Variants in NME1 observed in about 807,000 individuals in gnomAD.
NME1 encodes NME/NM23 nucleoside diphosphate kinase 1.
NME1 carries 9 observed loss-of-function variants against 17.2 expected under a neutral mutation model. That is an observed-to-expected ratio of 0.52 (90% CI 0.32 to 0.92). The LOEUF (loss-of-function observed/expected upper bound fraction) is 0.92. Ranked by LOEUF, NME1 falls within the 40% of genes least tolerant of loss-of-function variation. The pLI is 0.04. For synonymous variants in NME1, 72 were observed against 70.8 expected (o/e 1.02, Z -0.09); for missense variants, 169 against 201.7 (o/e 0.84, Z 0.98).
chr17:51,154,029 G>T, intron 1 of NME1: 1 of 324,696 alleles, frequency 3.1e-6, no homozygotes, highest in Middle Eastern at 1.1e-3. Context: ...TTGTGTCACC[G>T]GGACCGATGT....
intron 2 of NME1, among the ~76,000 whole-genome samples, chr17:51,156,892 C>CAAAAA (rs71355724): frequency 1.2e-5 from 1 of 86,918 alleles, no homozygotes; most frequent in Non-Finnish European, 2.2e-5. Context: ...ACTCCATCTC[C>CAAAAA]AAAAAAAAAA....
At chr17:51,160,240 G>A in intron 3 of NME1, 159 bp downstream of exon 3, 2 of 800,864 alleles carry the variant, frequency 2.5e-6, no homozygotes. Context: ...AATGAAATAT[G>A]CCCAGAAATG....
rs917952833 is a variant in NME1 at position 51,155,780 on chromosome 17, A to G, written c.126A>G (p.Gln42=). 1 of 1,613,468 alleles carries G rather than the reference A, an allele frequency of 6.2e-7. No homozygotes were observed. Among genetic ancestry groups the G allele is most frequent in the Admixed American group, 1.7e-5 (1 of 59,984 alleles). ...GCCTTGTTGGTCTGAAATTCATGCA[A>G]GTAAGTGGACTTCATTGTTCCCATT... is the stretch of plus-strand genomic sequence containing the variant. ...GFRLVGLKFM[Q]ASEDLLKEHY... Residue 42 remains glutamine (Q), a splice_region_variant and synonymous_variant, in exon 2 of 5, where the codon CAA becomes CAG. Transcript: ENST00000393196.
rs908616371 is a variant in NME1, at chr17:51,162,106, T to C, written c.*261T>C. On this transcript the variant is annotated 3_prime_UTR_variant, in exon 5 of 5. Coordinates refer to ENST00000393196, the MANE Select transcript of NME1 (RefSeq NM_000269.3). ...TTTCCTTCTTTTCATGTACACTGAA[T>C]AACCTGACCTAATAGAGAGTGTAAA... 1.9e-5 allele frequency: 8 copies of C among 428,134 alleles called. No individual in the cohort carries two copies. The highest frequency in any genetic ancestry group is 3.6e-5 in the Admixed American group (1 of 27,812). 26.5% of individuals were successfully genotyped at this position (428,134 alleles called of 1,614,324 possible).
intron 2 of NME1, among the ~76,000 whole-genome samples, chr17:51,159,637 A>T (rs1568121731): frequency 1.3e-5 from 2 of 151,840 alleles, no homozygotes; most frequent in African/African-American, 4.8e-5. Context: ...CAAGTCTGGT[A>T]GTGTGTGTCT....
chr17:51,157,011 A>AAAAAG (rs2049797794), intron 2 of NME1, among the ~76,000 whole-genome samples: 1 of 152,042 alleles, frequency 6.6e-6, no homozygotes, highest in Non-Finnish European at 1.5e-5. Flanking sequence ...CTCAAAAAAA[A>AAAAAG]AAAAAGAATT....
Position 51,161,852 on chromosome 17 carries a change from G to A in NME1, c.*7G>A, listed in dbSNP as rs749404517. ...GAACTGGATCTATGAATGACAGGAGGGCAGACCACATTGCTTTTCACATCC... is the reference window on the plus strand; with the variant it reads ...GAACTGGATCTATGAATGACAGGAGAGCAGACCACATTGCTTTTCACATCC... On this transcript the variant is annotated 3_prime_UTR_variant, in exon 5 of 5. Coordinates refer to ENST00000393196, the MANE Select transcript of NME1 (RefSeq NM_000269.3). The A allele has an allele frequency of 1.9e-6, 3 of 1,565,744 alleles. No individual in the cohort carries two copies. Among genetic ancestry groups the A allele is most frequent in the Non-Finnish European group, 2.6e-6 (3 of 1,136,310 alleles).
intron 4 of NME1, 194 bp downstream of exon 4, chr17:51,161,466 G>A (rs946023863): frequency 4.6e-5 from 32 of 689,766 alleles, no homozygotes; most frequent in Admixed American, 3.9e-4. Context: ...GTTACACGAA[G>A]TGTAGAACCT....
At chr17:51,155,484 T>C (rs2049772348) in intron 1 of NME1, among the ~76,000 whole-genome samples, 167 bp from the exon 2 acceptor site, 1 of 152,220 alleles carries the variant, frequency 6.6e-6, no homozygotes, top group Non-Finnish European at 1.5e-5. Flanking sequence ...ATTGACATAT[T>C]AGTTCATAGA....
intron 2 of NME1, chr17:51,156,194 A>G (rs1216988730): frequency 6.4e-6 from 2 of 310,130 alleles, no homozygotes; most frequent in East Asian, 8.5e-5. Context: ...ACTAGACACT[A>G]ATAAATGCTT....
At chr17:51,156,892 C>CAAA (rs71355724) in intron 2 of NME1, among the ~76,000 whole-genome samples, 2 of 86,882 alleles carry the variant, frequency 2.3e-5, no homozygotes, top group South Asian at 4.2e-4. Context: ...ACTCCATCTC[C>CAAA]AAAAAAAAAA....
Position 51,154,794 on chromosome 17 carries a change from C to T in NME1, c.-4-857C>T, listed in dbSNP as rs529017137. Among the ~76,000 whole-genome samples the T allele has an allele frequency of 6.0e-4, 91 of 152,258 alleles. 1 individual carries two copies. Among genetic ancestry groups the T allele is most frequent in the African/African-American group, 2.2e-3 (91 of 41,536 alleles). ...ACTATTATTTCTTACTGCTTTGTAC[C>T]GGACATCACTTTCACATTAGTAAAA... On this transcript the variant is annotated intron_variant, in intron 1 of 4. Transcript: ENST00000393196.
intron 3 of NME1, 28 bp downstream of exon 3, chr17:51,160,109 A>G: frequency 1.2e-6 from 2 of 1,610,320 alleles, no homozygotes; most frequent in South Asian, 2.2e-5. Flanking sequence ...GGATACTCCA[A>G]GTATGCATTG....
At chr17:51,160,824 A>G (rs549280398) in intron 3 of NME1, among the ~76,000 whole-genome samples, 4 of 151,956 alleles carry the variant, frequency 2.6e-5, no homozygotes, top group African/African-American at 7.2e-5. Flanking sequence ...GTTAGCCAGG[A>G]TGGTCTCGAT....
intron 2 of NME1, among the ~76,000 whole-genome samples, chr17:51,158,482 A>G (rs2049820376): frequency 6.6e-6 from 1 of 152,366 alleles, no homozygotes; most frequent in South Asian, 2.1e-4. Flanking sequence ...GAACCAATTA[A>G]TAGAATTAAA....
intron 3 of NME1, 80 bp downstream of exon 3, chr17:51,160,161 C>T (rs2049844350): frequency 1.3e-6 from 2 of 1,507,628 alleles, no homozygotes; most frequent in Non-Finnish European, 1.8e-6. Context: ...ACTGGGGATA[C>T]AGCCATGAAT....
At chr17:51,158,644 A>G (rs1461054916) in intron 2 of NME1, among the ~76,000 whole-genome samples, 1 of 152,214 alleles carries the variant, frequency 6.6e-6, no homozygotes, top group Non-Finnish European at 1.5e-5. Flanking sequence ...AAGTGATGAT[A>G]ACTGGTGGCT....
intron 3 of NME1, 83 bp from the exon 4 acceptor site, chr17:51,161,077 T>A (rs1426935721): frequency 1.4e-6 from 2 of 1,395,326 alleles, no homozygotes; most frequent in Admixed American, 2.0e-5. Context: ...CCTTTTTATT[T>A]TTCCTTTTTT....
chr17:51,161,386 A>G lies in NME1; in HGVS notation c.341+114A>G, dbSNP rs926152460. 5 of 1,070,956 alleles carry G rather than the reference A, an allele frequency of 4.7e-6. No homozygotes were observed. The African/African-American group carries it at 7.8e-5, about 17-fold the overall frequency. The allele number at this position is 1,070,956 out of a possible 1,614,324, so 66.3% of individuals were successfully genotyped here. A position where few individuals can be genotyped will look rare whatever the true frequency, so the allele number is the denominator to read the frequency against. ...ACCATATGCAGGTTGATTTTATCGGAGTTTATTGTTTTCCTCCCTCTTAAG... is the reference window on the plus strand; with the variant it reads ...ACCATATGCAGGTTGATTTTATCGGGGTTTATTGTTTTCCTCCCTCTTAAG... On this transcript the variant is annotated intron_variant, in intron 4 of 4. Coordinates refer to ENST00000393196, the MANE Select transcript of NME1 (RefSeq NM_000269.3).
Sources: allele counts gnomAD v4.1 joint callset (sites outside exome capture counted in the v4.1 genomes callset), GRCh38; gene constraint gnomAD v4.1.1; transcripts MANE v1.5; gene names NCBI Gene and HGNC (gene_info 2026-07-23, HGNC 2026-07-21).